Variants in HMGCLL1 observed in about 807,000 individuals in gnomAD.
HMGCLL1 encodes 3-hydroxymethyl-3-methylglutaryl-CoA lyase, cytoplasmic.
Under a neutral mutation model 39.1 loss-of-function variants are expected in HMGCLL1, and 36 were observed. That is an observed-to-expected ratio of 0.92 (90% CI 0.71 to 1.22). The LOEUF (loss-of-function observed/expected upper bound fraction) is 1.22, where lower values mean the gene tolerates loss of function less well. Among genes scored for constraint, HMGCLL1 ranks in the 50% most tolerant of loss-of-function variants. The pLI is 0.00. For synonymous variants in HMGCLL1, 149 were observed against 144.0 expected (o/e 1.03, Z -0.25); for missense variants, 451 against 416.5 (o/e 1.08, Z -0.72).
intron 3 of HMGCLL1, among the ~76,000 whole-genome samples, chr6:55,537,399 C>A (rs1208595432): frequency 6.6e-6 from 1 of 152,118 alleles, no homozygotes; most frequent in Non-Finnish European, 1.5e-5. Context: ...ATAACATAGC[C>A]TTTAGCATTT....
the HMGCLL1 span, among the ~76,000 whole-genome samples, chr6:55,675,758 G>A: frequency 6.6e-6 from 1 of 151,998 alleles, no homozygotes; most frequent in Non-Finnish European, 1.5e-5. Flanking sequence ...GTGTGTGTGT[G>A]CTTATTTTTA....
intron 1 of HMGCLL1, among the ~76,000 whole-genome samples, chr6:55,553,107 C>A (rs962281217): frequency 2.0e-5 from 3 of 151,538 alleles, no homozygotes; most frequent in African/African-American, 7.3e-5. Flanking sequence ...CGTGCCATTG[C>A]ACTCCAGCCT....
At chr6:55,621,367 T>C in the HMGCLL1 span, among the ~76,000 whole-genome samples, 140 of 152,204 alleles carry the variant, frequency 9.2e-4, 3 homozygotes, top group Admixed American at 3.6e-3. Flanking sequence ...TGTTAGAAAC[T>C]GGGCAACACA....
chr6:55,464,884 C>T (rs1438355697), intron 7 of HMGCLL1, among the ~76,000 whole-genome samples: 2 of 152,130 alleles, frequency 1.3e-5, no homozygotes, highest in Non-Finnish European at 2.9e-5. Context: ...GTCTTGTTTA[C>T]TCTGTGCTCT....
At chr6:55,618,890 A>G in the HMGCLL1 span, among the ~76,000 whole-genome samples, 1 of 152,164 alleles carries the variant, frequency 6.6e-6, no homozygotes, top group Non-Finnish European at 1.5e-5. Context: ...GAACTTAGTT[A>G]TCAAGTGTGA....
chr6:55,557,320 A>T (rs969845553), intron 1 of HMGCLL1, among the ~76,000 whole-genome samples: 1 of 152,106 alleles, frequency 6.6e-6, no homozygotes, highest in Non-Finnish European at 1.5e-5. Context: ...TGCCTGTAGC[A>T]TCTAACATCA....
the HMGCLL1 span, among the ~76,000 whole-genome samples, chr6:55,625,153 CT>C: frequency 6.6e-6 from 1 of 152,218 alleles, no homozygotes; most frequent in Admixed American, 6.5e-5. Flanking sequence ...AACTACTCTC[CT>C]TTTGAGAGAT....
the HMGCLL1 span, among the ~76,000 whole-genome samples, chr6:55,594,691 T>G: frequency 6.6e-6 from 1 of 152,182 alleles, no homozygotes; most frequent in African/African-American, 2.4e-5. Context: ...TAACTCCCTC[T>G]GGTATTGGGT....
chr6:55,438,081 T>C (rs532524006), intron 8 of HMGCLL1, among the ~76,000 whole-genome samples: 1 of 152,150 alleles, frequency 6.6e-6, no homozygotes, highest in South Asian at 2.1e-4. Flanking sequence ...TTATGGAACA[T>C]AACTGGCATA....
At chr6:55,662,289 C>G in the HMGCLL1 span, among the ~76,000 whole-genome samples, 4 of 151,856 alleles carry the variant, frequency 2.6e-5, no homozygotes, top group African/African-American at 9.6e-5. Flanking sequence ...ATTCTTCCAG[C>G]TTTTGCCCAT....
chr6:55,636,206 G>A, the HMGCLL1 span, among the ~76,000 whole-genome samples: 1 of 152,024 alleles, frequency 6.6e-6, no homozygotes, highest in Admixed American at 6.6e-5. Flanking sequence ...ATTAAGGAAT[G>A]ATTAAAAACA....
At chr6:55,567,173 G>A (rs1472985058) in intron 1 of HMGCLL1, among the ~76,000 whole-genome samples, 3 of 151,996 alleles carry the variant, frequency 2.0e-5, no homozygotes, top group African/African-American at 4.8e-5. Context: ...GGTATCCCAA[G>A]TACTTCAAAA....
chr6:55,598,946 A>G, the HMGCLL1 span, among the ~76,000 whole-genome samples: 43 of 152,340 alleles, frequency 2.8e-4, no homozygotes, highest in African/African-American at 5.5e-4. Context: ...AAAAAGGATG[A>G]GTTCATGTTC....
At chr6:55,519,137 T>G (rs2078372202) in intron 3 of HMGCLL1, among the ~76,000 whole-genome samples, 1 of 152,156 alleles carries the variant, frequency 6.6e-6, no homozygotes, top group Non-Finnish European at 1.5e-5. Flanking sequence ...TTCTGATTTA[T>G]GCTGAAGGCA....
intron 1 of HMGCLL1, among the ~76,000 whole-genome samples, chr6:55,543,476 T>TC (rs1769742076): frequency 1.1e-4 from 1 of 8,834 alleles, no homozygotes; most frequent in Non-Finnish European, 5.8e-4. Context: ...ATATCATATA[T>TC]AATATATATA....
intron 5 of HMGCLL1, chr6:55,513,832 C>G (rs976633450): frequency 3.9e-6 from 2 of 517,566 alleles, no homozygotes; most frequent in African/African-American, 2.0e-5. Flanking sequence ...CCTCTGATTT[C>G]AACTGCATGA....
the HMGCLL1 span, among the ~76,000 whole-genome samples, chr6:55,591,052 A>G: frequency 6.6e-6 from 1 of 152,030 alleles, no homozygotes; most frequent in East Asian, 1.9e-4. Context: ...CATGATTTTC[A>G]AGAATAAATA....
chr6:55,628,245 G>C, the HMGCLL1 span, among the ~76,000 whole-genome samples: 3 of 115,436 alleles, frequency 2.6e-5, no homozygotes, highest in Admixed American at 2.4e-4. Flanking sequence ...TGACTAAACA[G>C]TAGGATAACA....
the HMGCLL1 span, among the ~76,000 whole-genome samples, chr6:55,650,130 T>TAC: frequency 2.0e-5 from 1 of 51,066 alleles, no homozygotes; most frequent in African/African-American, 7.7e-5. Context: ...TATATATATA[T>TAC]ATATACACAC....
Sources: allele counts gnomAD v4.1 joint callset (sites outside exome capture counted in the v4.1 genomes callset), GRCh38; gene constraint gnomAD v4.1.1; transcripts MANE v1.5; gene names NCBI Gene and HGNC (gene_info 2026-07-23, HGNC 2026-07-21).